CNTN6: variants seen among roughly 807,000 people sequenced by gnomAD.
CNTN6 encodes the protein contactin-6.
In CNTN6, 137 loss-of-function variants were observed where a neutral mutation model predicts 122.8. The ratio of observed to expected loss-of-function variants is 1.12; its 90% confidence interval spans 0.97 to 1.29. The LOEUF is 1.29. CNTN6 is among the 50% of genes most tolerant of loss of function. The pLI is 0.00. For synonymous variants in CNTN6, 570 were observed against 426.0 expected (o/e 1.34, Z -4.16); for missense variants, 1,634 against 1,223.4 (o/e 1.34, Z -5.01).
At chr3:1,178,823 T>C (rs1223138312) in intron 2 of CNTN6, among the ~76,000 whole-genome samples, 1 of 152,214 alleles carries the variant, frequency 6.6e-6, no homozygotes, top group Admixed American at 6.5e-5. Flanking sequence ...CCTTTGGTTA[T>C]ACTTGTGTTT....
At chr3:1,380,499 G>C (rs984007301) in intron 17 of CNTN6, among the ~76,000 whole-genome samples, 1 of 152,108 alleles carries the variant, frequency 6.6e-6, no homozygotes, top group Non-Finnish European at 1.5e-5. Context: ...GGTTTGAGGT[G>C]CTTGTGGTGA....
intron 19 of CNTN6, among the ~76,000 whole-genome samples, 200 bp downstream of exon 19, chr3:1,383,608 T>A (rs1380834043): frequency 6.6e-6 from 1 of 151,962 alleles, no homozygotes; most frequent in Non-Finnish European, 1.5e-5. Context: ...TTGTCCTCGC[T>A]CAAGACAGAA....
chr3:1,245,230 ATATATACACACAC>A (rs1559595704), intron 4 of CNTN6, among the ~76,000 whole-genome samples: 6 of 15,214 alleles, frequency 3.9e-4, no homozygotes, highest in Non-Finnish European at 5.8e-4. Flanking sequence ...ATATATATAT[ATATATACACACAC>A]ACATATATAT....
intron 7 of CNTN6, among the ~76,000 whole-genome samples, chr3:1,312,585 C>G (rs1435672545): frequency 2.0e-5 from 3 of 147,418 alleles, no homozygotes; most frequent in East Asian, 4.1e-4. Flanking sequence ...AAAAGATAGT[C>G]TCCGTGATTT....
intron 1 of CNTN6, among the ~76,000 whole-genome samples, chr3:1,132,615 C>G (rs7649827): frequency 0.012 from 1,868 of 151,234 alleles, 48 homozygotes; most frequent in African/African-American, 0.042. Context: ...TGTGATCCCA[C>G]TACTGCATTC....
chr3:1,227,774 T>A (rs766261236), intron 3 of CNTN6, 44 bp from the exon 4 acceptor site: 1 of 1,577,566 alleles, frequency 6.3e-7, no homozygotes, highest in Non-Finnish European at 8.7e-7. Flanking sequence ...AAAGATTGAT[T>A]GACTCTGTAT....
At chr3:1,281,228 T>A (rs1262666780) in intron 5 of CNTN6, among the ~76,000 whole-genome samples, 1 of 152,158 alleles carries the variant, frequency 6.6e-6, no homozygotes, top group Non-Finnish European at 1.5e-5. Context: ...TTCTCAAATA[T>A]TATTTCTTCT....
intron 4 of CNTN6, among the ~76,000 whole-genome samples, chr3:1,229,216 T>G (rs1326687890): frequency 1.3e-5 from 2 of 152,202 alleles, no homozygotes; most frequent in African/African-American, 4.8e-5. Flanking sequence ...TAACACTTGA[T>G]TTCTTCATTT....
intron 4 of CNTN6, among the ~76,000 whole-genome samples, chr3:1,252,749 G>C (rs1478101023): frequency 1.3e-5 from 2 of 152,024 alleles, no homozygotes; most frequent in African/African-American, 4.8e-5. Context: ...CACACTCAAG[G>C]GGAAAGACAG....
At chr3:1,336,912 G>A (rs1703159693) in intron 11 of CNTN6, among the ~76,000 whole-genome samples, 1 of 152,014 alleles carries the variant, frequency 6.6e-6, no homozygotes, top group Non-Finnish European at 1.5e-5. Context: ...GTGGAAAGTG[G>A]AAGAAGGAAG....
At position 1,397,133 on chromosome 3, in the gene CNTN6, G is replaced by A. The variant is rs546262921; in HGVS notation, c.2705-4300G>A. 3.3e-5 allele frequency among the ~76,000 whole-genome samples: 5 copies of A among 152,294 alleles called. No homozygotes were observed. The South Asian group carries it at 1.0e-3, about 32-fold the overall frequency. On this transcript the variant is annotated intron_variant, in intron 20 of 22. Transcript: ENST00000446702. ...CTCCCATGAGCCATGCCTAGAGTTA[G>A]ATGCTGAGGGCCTAAGAGCAATTAA... is the stretch of plus-strand genomic sequence containing the variant.
intron 3 of CNTN6, among the ~76,000 whole-genome samples, chr3:1,226,617 A>G (rs1294107444): frequency 2.0e-5 from 3 of 152,126 alleles, no homozygotes; most frequent in Admixed American, 1.3e-4. Flanking sequence ...TTACCATTAG[A>G]TCATACCCTC....
intron 2 of CNTN6, among the ~76,000 whole-genome samples, chr3:1,191,243 T>C (rs1163740375): frequency 6.6e-6 from 1 of 152,064 alleles, no homozygotes; most frequent in Admixed American, 6.6e-5. Context: ...GTGTCATTTG[T>C]TCTAATGATG....
intron 2 of CNTN6, among the ~76,000 whole-genome samples, chr3:1,193,555 T>C (rs1029313641): frequency 4.6e-5 from 7 of 152,168 alleles, no homozygotes; most frequent in Non-Finnish European, 8.8e-5. Flanking sequence ...TGGATGTTCC[T>C]GCATATTATT....
intron 2 of CNTN6, among the ~76,000 whole-genome samples, chr3:1,216,454 T>A (rs1247630796): frequency 3.9e-5 from 6 of 152,210 alleles, no homozygotes; most frequent in Admixed American, 1.3e-4. Flanking sequence ...TTTTCAGGCA[T>A]TGTTAATTTC....
rs573280770 is a variant in CNTN6 at position 1,299,904 on chromosome 3, T to C, written c.761+1913T>C. On this transcript the variant is annotated intron_variant, in intron 7 of 22. Coordinates refer to ENST00000446702, the MANE Select transcript of CNTN6 (RefSeq NM_001289080.2). Reference sequence around the variant, plus strand: ...TGTGAAGATTAGAATGGATAATACATGTTAAAACATTAAGACTTGGCATTT... The same window carrying C: ...TGTGAAGATTAGAATGGATAATACACGTTAAAACATTAAGACTTGGCATTT... Among the ~76,000 whole-genome samples, 192 of 152,308 alleles carry C rather than the reference T, an allele frequency of 1.3e-3. 1 individual carries two copies. The highest frequency in any genetic ancestry group is 4.5e-3 in the African/African-American group (188 of 41,564).
intron 7 of CNTN6, among the ~76,000 whole-genome samples, chr3:1,300,557 AAAAG>A (rs202226482): frequency 0.11 from 11,762 of 107,032 alleles, 642 homozygotes; most frequent in Middle Eastern, 0.16. Context: ...AAGAGAAAGA[AAAAG>A]AAAGAAAGAA....
intron 19 of CNTN6, among the ~76,000 whole-genome samples, chr3:1,384,772 CATATATATAT>C (rs66929153): frequency 1.1e-4 from 13 of 120,928 alleles, no homozygotes; most frequent in African/African-American, 2.3e-4. Context: ...TATATATACA[CATATATATAT>C]ATATATATAT....
At chr3:1,340,977 C>T (rs1273427670) in intron 11 of CNTN6, among the ~76,000 whole-genome samples, 3 of 152,058 alleles carry the variant, frequency 2.0e-5, no homozygotes, top group African/African-American at 4.8e-5. Flanking sequence ...CTGTCTATCC[C>T]AAAGCTTTCA....
Sources: allele counts gnomAD v4.1 joint callset (sites outside exome capture counted in the v4.1 genomes callset), GRCh38; gene constraint gnomAD v4.1.1; transcripts MANE v1.5; gene names NCBI Gene and HGNC (gene_info 2026-07-23, HGNC 2026-07-21).